TENM1: variants seen among roughly 807,000 people sequenced by gnomAD.
TENM1 encodes the protein teneurin-1.
Under a neutral mutation model 174.8 loss-of-function variants are expected in TENM1, and 35 were observed. The ratio of observed to expected loss-of-function variants is 0.20; its 90% confidence interval spans 0.15 to 0.27. The LOEUF (loss-of-function observed/expected upper bound fraction) is 0.27. Among genes scored for constraint, TENM1 ranks in the 10% least tolerant of loss-of-function variants. TENM1 has a pLI of 1.00. For missense variants in TENM1, 1,633 were observed against 2,130.1 expected (o/e 0.77, Z 4.59); for synonymous variants, 781 against 798.7 (o/e 0.98, Z 0.37).
At chrX:124,601,326 G>C (rs1237538771) in intron 11 of TENM1, among the ~76,000 whole-genome samples, 1 of 111,137 alleles carries the variant, frequency 9.0e-6, no homozygotes, top group Non-Finnish European at 1.9e-5. Context: ...TTACGTGTGA[G>C]AGAAAGTGGG....
Position 124,422,773 on chromosome X carries a change from G to A in TENM1, c.4105-135C>T, listed in dbSNP as rs111628707. 3.4e-3 allele frequency: 1,860 copies of A among 548,574 alleles called. 21 individuals are homozygous for A. In the African/African-American group the frequency reaches 0.038, roughly 11 times the overall value. The allele number at this position is 548,574 out of a possible 1,213,427, so 45.2% of individuals were successfully genotyped here. A position where few individuals can be genotyped will look rare whatever the true frequency, so the allele number is the denominator to read the frequency against. On this transcript the variant is annotated intron_variant, in intron 23 of 31. Coordinates refer to ENST00000422452, the Ensembl canonical transcript of TENM1. ...ATTTTAGCAACATTGGTGATGTCTC[G>A]GAAAGTGGAGGGCAGGGGGAGGATG...
At chrX:124,580,246 T>C (rs1350858552) in intron 11 of TENM1, among the ~76,000 whole-genome samples, 7 of 111,316 alleles carry the variant, frequency 6.3e-5, no homozygotes, top group Non-Finnish European at 1.1e-4. Context: ...AAATGTAGTA[T>C]ATATACAATA....
chrX:124,607,907 C>T (rs2050196884), intron 11 of TENM1, among the ~76,000 whole-genome samples: 1 of 110,816 alleles, frequency 9.0e-6, no homozygotes, highest in Non-Finnish European at 1.9e-5. Context: ...GAGAATGGAG[C>T]CAATTAGATT....
chrX:124,953,705 C>A (rs1184505410), intron 1 of TENM1, among the ~76,000 whole-genome samples: 4 of 111,761 alleles, frequency 3.6e-5, no homozygotes, highest in Non-Finnish European at 7.5e-5. Flanking sequence ...AGGGGACAAT[C>A]ATCTATGTGA....
chrX:124,393,247 A>G lies in TENM1; in HGVS notation c.5392-899T>C, dbSNP rs1204467639. 2.9e-5 allele frequency among the ~76,000 whole-genome samples: 3 copies of G among 102,028 alleles called. No individual in the cohort carries two copies. The Admixed American group carries it at 3.2e-4, about 11-fold the overall frequency. The allele number at this position is 102,028 out of a possible 115,157, so 88.6% of individuals were successfully genotyped here. The stretch of plus-strand genomic sequence containing the variant: ...TAACCAAATAACTAAATGACTTAGT[A>G]AAAAAAAAAAAAGTTTAAAAAATCA... On this transcript the variant is annotated intron_variant, in intron 27 of 31. Coordinates refer to ENST00000422452, the Ensembl canonical transcript of TENM1.
chrX:124,589,994 G>A (rs1336449203), intron 11 of TENM1, among the ~76,000 whole-genome samples: 1 of 111,292 alleles, frequency 9.0e-6, no homozygotes, highest in Non-Finnish European at 1.9e-5. Context: ...TTTCCTCTAG[G>A]TGTGAAGTTA....
the TENM1 span, among the ~76,000 whole-genome samples, chrX:125,155,429 T>A: frequency 2.7e-5 from 3 of 112,205 alleles, no homozygotes; most frequent in Non-Finnish European, 3.8e-5. Flanking sequence ...GTACTGGGGC[T>A]GCAGGTGGAG....
chrX:125,106,788 A>C, the TENM1 span, among the ~76,000 whole-genome samples: 1,655 of 102,518 alleles, frequency 0.016, 24 homozygotes, highest in African/African-American at 0.052. Flanking sequence ...TTAACAAAGA[A>C]AACAACCTTT....
intron 14 of TENM1, among the ~76,000 whole-genome samples, chrX:124,560,709 C>T (rs543215758): frequency 3.3e-4 from 37 of 112,025 alleles, no homozygotes; most frequent in African/African-American, 1.1e-3. Flanking sequence ...ATAATCCTGC[C>T]TCATGTCTGA....
the TENM1 span, among the ~76,000 whole-genome samples, chrX:125,155,791 G>A: frequency 1.8e-5 from 2 of 112,563 alleles, no homozygotes; most frequent in South Asian, 7.2e-4. Flanking sequence ...CCCGGAACTC[G>A]TTCTGGCCCG....
intron 16 of TENM1, among the ~76,000 whole-genome samples, chrX:124,526,568 T>C (rs1159230429): frequency 8.9e-6 from 1 of 112,113 alleles, no homozygotes; most frequent in Non-Finnish European, 1.9e-5. Flanking sequence ...GAATGATTAC[T>C]TCTTTGGGAT....
intron 17 of TENM1, among the ~76,000 whole-genome samples, chrX:124,522,704 TG>T (rs758982170): frequency 0.018 from 1,879 of 104,601 alleles, 50 homozygotes; most frequent in African/African-American, 0.055. Context: ...TTTTTTTTTT[TG>T]GAGACAGAGT....
At chrX:124,759,323 A>T (rs2143050) in intron 3 of TENM1, among the ~76,000 whole-genome samples, 19,172 of 107,965 alleles carry the variant, frequency 0.18, 2,120 homozygotes, top group African/African-American at 0.4. Flanking sequence ...ATAGTTTTTT[A>T]AAAAAAAAAT....
chrX:125,064,401 G>GA, the TENM1 span, among the ~76,000 whole-genome samples: 1 of 110,706 alleles, frequency 9.0e-6, no homozygotes, highest in African/African-American at 3.3e-5. Context: ...ATTGAAGCAA[G>GA]AAAAAAACAA....
At chrX:124,837,769 CA>C (rs2056421163) in intron 3 of TENM1, among the ~76,000 whole-genome samples, 1 of 110,617 alleles carries the variant, frequency 9.0e-6, no homozygotes, top group African/African-American at 3.3e-5. Context: ...ATTTTAAATG[CA>C]GCACTATTTT....
the TENM1 span, among the ~76,000 whole-genome samples, chrX:124,996,545 A>G: frequency 1.1e-5 from 1 of 93,074 alleles, no homozygotes; most frequent in Non-Finnish European, 2.1e-5. Flanking sequence ...TAAAAAAAAA[A>G]AAACCACACA....
chrX:124,705,557 A>G (rs1360128603), intron 4 of TENM1, among the ~76,000 whole-genome samples: 1 of 110,936 alleles, frequency 9.0e-6, no homozygotes, highest in Non-Finnish European at 1.9e-5. Context: ...CTTCCCTTTC[A>G]TTAAATATGA....
chrX:125,057,290 G>A, the TENM1 span, among the ~76,000 whole-genome samples: 8 of 110,688 alleles, frequency 7.2e-5, no homozygotes, highest in South Asian at 1.1e-3. Context: ...TCAAGTGACC[G>A]GGGTGGGCAG....
At chrX:124,754,698 C>T (rs1297559935) in intron 3 of TENM1, among the ~76,000 whole-genome samples, 4 of 108,427 alleles carry the variant, frequency 3.7e-5, no homozygotes, top group African/African-American at 1.0e-4. Context: ...TCTTTGTTCT[C>T]GTTGGTTTCA....
Sources: gnomAD v4.1 joint callset for allele counts (sites outside exome capture counted in the v4.1 genomes callset) on GRCh38, gnomAD v4.1.1 for gene constraint, MANE v1.5 for transcripts, NCBI Gene and HGNC (gene_info 2026-07-23, HGNC 2026-07-21) for gene names.